Variants in LHFPL1 observed in about 807,000 individuals in gnomAD.
LHFPL1 encodes the protein LHFPL tetraspan subfamily member 1 protein.
A neutral mutation model predicts 12.1 loss-of-function variants in LHFPL1; 4 were observed. The ratio of observed to expected loss-of-function variants is 0.33; its 90% CI spans 0.16 to 0.76. The LOEUF is 0.76. Among genes scored for constraint, LHFPL1 ranks in the 30% least tolerant of loss-of-function variants. LHFPL1 has a pLI of 0.61. For synonymous variants in LHFPL1, 52 were observed against 61.9 expected, an observed-to-expected ratio of 0.84 and a Z score of 0.75; for missense variants, 141 against 174.1, an observed-to-expected ratio of 0.81 and a Z score of 1.07.
intron 3 of LHFPL1, among the ~76,000 whole-genome samples, chrX:112,633,640 T>C (rs1390898035): frequency 1.8e-5 from 2 of 111,510 alleles, no homozygotes; most frequent in Non-Finnish European, 3.8e-5. Flanking sequence ...TTATGACCAG[T>C]GTCAAGTGTT....
At chrX:112,675,814 G>A (rs940160790) in intron 1 of LHFPL1, among the ~76,000 whole-genome samples, 2 of 112,243 alleles carry the variant, frequency 1.8e-5, no homozygotes, top group Non-Finnish European at 3.8e-5. Flanking sequence ...CACTGCCACA[G>A]ATAATTCTCT....
chrX:112,658,446 A>T lies in LHFPL1; in HGVS notation c.481+2181T>A, dbSNP rs765039157. ...TCTCAAAAAACAAAAAAAAAAAAGA[A>T]AAAAGAAAAAAAAAAAACCAAGCAA... On this transcript the variant is annotated intron_variant, in intron 3 of 3. Coordinates refer to ENST00000371968, the MANE Select transcript of LHFPL1 (RefSeq NM_178175.4). 1.4e-4 allele frequency among the ~76,000 whole-genome samples: 15 copies of T among 106,766 alleles called. No homozygotes were observed. In the South Asian group the frequency reaches 5.9e-3, roughly 42 times the overall value. The allele number at this position is 106,766 out of a possible 115,157, so 92.7% of individuals were successfully genotyped here.
At chrX:112,634,395 C>CAG (rs1272467027) in intron 3 of LHFPL1, among the ~76,000 whole-genome samples, 1 of 111,405 alleles carries the variant, frequency 9.0e-6, no homozygotes, top group African/African-American at 3.3e-5. Flanking sequence ...CCTGGCAGAG[C>CAG]AGACAGGAGC....
At position 112,660,727 on chromosome X, in the gene LHFPL1, T is replaced by C. The variant is rs372970095; in HGVS notation, c.383-2A>G. 6.0e-6 allele frequency: 7 copies of C among 1,164,589 alleles called. No individual in the cohort carries two copies. The highest frequency in any genetic ancestry group is 6.0e-5 in the East Asian group (2 of 33,526). Reference sequence around the variant, plus strand: ...CACAGCCTGAGCTTATCAGCAGCCCTAGAAAGAAAGCATACACACAGACAG... The same window carrying C: ...CACAGCCTGAGCTTATCAGCAGCCCCAGAAAGAAAGCATACACACAGACAG... On this transcript the variant is annotated splice_acceptor_variant, in intron 2 of 3. Transcript: ENST00000371968. LOFTEE classifies it high-confidence loss of function.
intron 3 of LHFPL1, among the ~76,000 whole-genome samples, chrX:112,657,798 G>GCC (rs1196360916): frequency 1.8e-5 from 2 of 109,114 alleles, no homozygotes; most frequent in Non-Finnish European, 3.8e-5. Context: ...CAGAACAAAG[G>GCC]CCTAACTATA....
chrX:112,674,028 T>C (rs769579433), intron 1 of LHFPL1, among the ~76,000 whole-genome samples: 39 of 111,801 alleles, frequency 3.5e-4, no homozygotes, highest in Non-Finnish European at 6.0e-4. Context: ...GGAAGCATCA[T>C]ACTACCTGAT....
At chrX:112,669,735 T>C (rs1931439087) in intron 2 of LHFPL1, among the ~76,000 whole-genome samples, 1 of 112,033 alleles carries the variant, frequency 8.9e-6, no homozygotes, top group African/African-American at 3.2e-5. Context: ...ATTGTAGACG[T>C]TCATCACCAT....
intron 3 of LHFPL1, among the ~76,000 whole-genome samples, chrX:112,653,117 G>A (rs1930900805): frequency 8.9e-6 from 1 of 112,081 alleles, no homozygotes; most frequent in South Asian, 3.7e-4. Context: ...TCGGTAATAG[G>A]TACGTGGATG....
chrX:112,658,051 G>T (rs781597847), intron 3 of LHFPL1, among the ~76,000 whole-genome samples: 1 of 111,036 alleles, frequency 9.0e-6, no homozygotes, highest in Admixed American at 9.6e-5. Context: ...ATCCAAAAAG[G>T]GTCTTGTATC....
At chrX:112,671,579 AT>A in intron 1 of LHFPL1, 175 bp from the exon 2 acceptor site, 2 of 1,062,319 alleles carry the variant, frequency 1.9e-6, no homozygotes, top group Non-Finnish European at 2.5e-6. Context: ...TCCCTGTGGG[AT>A]TTTGCTTTTC....
chrX:112,633,721 C>T (rs1455915152), intron 3 of LHFPL1, among the ~76,000 whole-genome samples: 1 of 111,791 alleles, frequency 8.9e-6, no homozygotes, highest in African/African-American at 3.3e-5. Context: ...CTCCTGTGGT[C>T]CCACCCAAAA....
chrX:112,678,366 G>A (rs933477384), intron 1 of LHFPL1, among the ~76,000 whole-genome samples: 3 of 111,885 alleles, frequency 2.7e-5, no homozygotes, highest in African/African-American at 6.5e-5. Context: ...ATTCTGGCTA[G>A]ACAGGTGCCA....
At chrX:112,637,846 C>T (rs750176402) in intron 3 of LHFPL1, among the ~76,000 whole-genome samples, 62 of 111,833 alleles carry the variant, frequency 5.5e-4, no homozygotes, top group Admixed American at 3.6e-3. Flanking sequence ...GATTTAATTT[C>T]GCACAAGTGT....
intron 3 of LHFPL1, among the ~76,000 whole-genome samples, chrX:112,647,168 T>C (rs759834404): frequency 8.9e-6 from 1 of 112,203 alleles, no homozygotes; most frequent in East Asian, 2.8e-4. Context: ...GACAGTTTTA[T>C]AAGCTTACTT....
rs772291185 is a variant in LHFPL1, at chrX:112,631,716, T to C, written c.482-115A>G. The C allele has an allele frequency of 7.7e-5, 39 of 504,775 alleles. No individual in the cohort carries two copies. In the African/African-American group the frequency reaches 8.8e-4, roughly 11 times the overall value. 41.6% of individuals were successfully genotyped at this position (504,775 alleles called of 1,213,427 possible). On this transcript the variant is annotated intron_variant, in intron 3 of 3. Transcript: ENST00000371968. The stretch of plus-strand genomic sequence containing the variant: ...CAGTTTTTATACATTCTCTTTGGGA[T>C]GCTATGGTTAGGGTGAGAATAGGAA...
intron 1 of LHFPL1, among the ~76,000 whole-genome samples, chrX:112,674,173 CA>C (rs1931590156): frequency 9.0e-6 from 1 of 111,584 alleles, no homozygotes; most frequent in Non-Finnish European, 1.9e-5. Context: ...ACAAAGCAAA[CA>C]AAAACATAAA....
Position 112,671,327 on chromosome X carries a change from T to C in LHFPL1, c.64A>G (p.Thr22Ala), listed in dbSNP as rs774638679. 3 of 1,211,740 alleles carry C rather than the reference T, an allele frequency of 2.5e-6. No homozygotes were observed. Among genetic ancestry groups the C allele is most frequent in the Non-Finnish European group, 3.4e-6 (3 of 895,397 alleles). ...WAFLSLVTAVTSSTSYFLPYW... is the reference protein window; with the variant it reads ...WAFLSLVTAVASSTSYFLPYW... ...GGTAGGAAGTAACTGGTAGAACTGG[T>C]CACAGCAGTAACAAGGGACAGGAAG... Residue 22 changes from threonine to alanine, a missense_variant, in exon 2 of 4, where the codon ACC becomes GCC. Coordinates refer to ENST00000371968, the MANE Select transcript of LHFPL1 (RefSeq NM_178175.4).
rs190566086 is a variant in LHFPL1, at chrX:112,647,096, G to A, written c.481+13531C>T. Reference sequence around the variant, plus strand: ...TATTGTGTTCATGAGAACATGTTGCGAATGTGATCCATTGATGGACAATAC... The same window carrying A: ...TATTGTGTTCATGAGAACATGTTGCAAATGTGATCCATTGATGGACAATAC... On this transcript the variant is annotated intron_variant, in intron 3 of 3. Transcript: ENST00000371968. Among the ~76,000 whole-genome samples, 33 of 111,674 alleles carry A rather than the reference G, an allele frequency of 3.0e-4. No individual in the cohort carries two copies. In the East Asian group the frequency reaches 7.3e-3, roughly 25 times the overall value.
chrX:112,665,423 G>A (rs113669035), intron 2 of LHFPL1, among the ~76,000 whole-genome samples: 6,478 of 111,165 alleles, frequency 0.058, 170 homozygotes, highest in Middle Eastern at 0.1. Context: ...ACTCCTGAGC[G>A]CAGGCAATCC....
Sources: gnomAD v4.1 joint callset for allele counts (sites outside exome capture counted in the v4.1 genomes callset) on GRCh38, gnomAD v4.1.1 for gene constraint, MANE v1.5 for transcripts, NCBI Gene and HGNC (gene_info 2026-07-23, HGNC 2026-07-21) for gene names.